ARHGEF38: variants seen among roughly 807,000 people sequenced by gnomAD.
ARHGEF38 encodes the protein Rho guanine nucleotide exchange factor (GEF) 38.
In ARHGEF38, 79 loss-of-function variants were observed where a neutral mutation model predicts 79.9. That is an observed-to-expected ratio of 0.99 (90% confidence interval 0.82 to 1.19). ARHGEF38 has a LOEUF of 1.19. Among genes scored for constraint, ARHGEF38 ranks in the 50% most tolerant of loss-of-function variants. The pLI is 0.00. For missense variants in ARHGEF38, 962 were observed against 907.2 expected (o/e 1.06, Z -0.78); for synonymous variants, 366 against 328.3 (o/e 1.11, Z -1.24).
chr4:105,569,192 G>C (rs1329454545), intron 1 of ARHGEF38, among the ~76,000 whole-genome samples: 2 of 152,156 alleles, frequency 1.3e-5, no homozygotes. Flanking sequence ...CTCAGTGACT[G>C]CTCAGAAACT....
At chr4:105,563,623 G>A (rs1488098513) in intron 1 of ARHGEF38, among the ~76,000 whole-genome samples, 1 of 152,006 alleles carries the variant, frequency 6.6e-6, no homozygotes, top group Non-Finnish European at 1.5e-5. Context: ...TGGCTCCAAA[G>A]TCAGGGCTTT....
intron 13 of ARHGEF38, among the ~76,000 whole-genome samples, chr4:105,668,698 A>ATAGATAGG (rs1553950225): frequency 2.0e-3 from 307 of 152,142 alleles, no homozygotes; most frequent in African/African-American, 7.1e-3. Context: ...AGATAGATAG[A>ATAGATAGG]TAGATAGATG....
intron 3 of ARHGEF38, 92 bp downstream of exon 3, chr4:105,613,599 C>A: frequency 1.4e-6 from 2 of 1,403,524 alleles, no homozygotes; most frequent in Admixed American, 3.7e-5. Flanking sequence ...CCTGACTCAC[C>A]ATGCTTCCCA....
chr4:105,573,510 G>A (rs1053133005), intron 1 of ARHGEF38, among the ~76,000 whole-genome samples: 6 of 151,948 alleles, frequency 3.9e-5, no homozygotes, highest in Admixed American at 6.6e-5. Context: ...AATAGTCTTG[G>A]CACCCTTGTA....
rs1189210709 is a variant in ARHGEF38, at chr4:105,667,607, C to T, written c.2052C>T (p.Ser684=). ...ASDSVTGTSE[S]SIGDSSSSLS... is the part of the protein sequence containing the mutation. ...ACAGTGTCACAGGCACCTCAGAAAG[C>T]AGCATTGGTGATAGCAGCTCATCTC... The change falls in exon 13 of 14, where the codon AGC becomes AGT. Residue 684 remains serine (S), a synonymous_variant. Coordinates refer to ENST00000420470, the MANE Select transcript of ARHGEF38 (RefSeq NM_001242729.2). 2 of 1,536,554 alleles carry T rather than the reference C, an allele frequency of 1.3e-6. No homozygotes were observed. The highest frequency in any genetic ancestry group is 2.7e-5 in the African/African-American group (2 of 73,042).
chr4:105,681,288 TAA>T (rs563622125), downstream of ARHGEF38, among the ~76,000 whole-genome samples: 6 of 144,940 alleles, frequency 4.1e-5, no homozygotes, highest in Non-Finnish European at 6.1e-5. Flanking sequence ...AATCTTTCCT[TAA>T]AAAAAAAAAG....
At chr4:105,560,404 A>T (rs559192049) in intron 1 of ARHGEF38, among the ~76,000 whole-genome samples, 4 of 152,204 alleles carry the variant, frequency 2.6e-5, no homozygotes, top group Non-Finnish European at 5.9e-5. Context: ...ATAAAACTTA[A>T]TATATATCAG....
chr4:105,611,854 T>C (rs530260575), intron 2 of ARHGEF38, among the ~76,000 whole-genome samples: 1 of 152,234 alleles, frequency 6.6e-6, no homozygotes, highest in Non-Finnish European at 1.5e-5. Flanking sequence ...TCTAATCCTA[T>C]ATTGAAATAA....
chr4:105,615,305 T>C (rs553521991), intron 3 of ARHGEF38, among the ~76,000 whole-genome samples: 4 of 152,258 alleles, frequency 2.6e-5, no homozygotes, highest in Admixed American at 2.0e-4. Flanking sequence ...CAAAAGTTTC[T>C]GGAGAGAGAA....
chr4:105,679,535 G>A lies in ARHGEF38; in HGVS notation c.*1598G>A. ...CAAAGCTTGATACACCAGAAATGTG[G>A]GCTAAAGCTGCAGCCAATGCATCTA... On this transcript the variant is annotated 3_prime_UTR_variant, in exon 14 of 14. Transcript: ENST00000420470. 1 of 1,269,192 alleles carries A rather than the reference G, an allele frequency of 7.9e-7. No individual in the cohort carries two copies. Among genetic ancestry groups the A allele is most frequent in the Non-Finnish European group, 1.2e-6 (1 of 868,248 alleles). 78.6% of individuals were successfully genotyped at this position (1,269,192 alleles called of 1,614,324 possible). A position where few individuals can be genotyped will look rare whatever the true frequency, so the allele number is the denominator to read the frequency against.
At chr4:105,652,364 C>T (rs1730139179) in intron 7 of ARHGEF38, among the ~76,000 whole-genome samples, 1 of 152,158 alleles carries the variant, frequency 6.6e-6, no homozygotes, top group Admixed American at 6.5e-5. Flanking sequence ...TAATCTGAAA[C>T]AACCGAAATC....
At chr4:105,660,606 A>T (rs576970047) in intron 10 of ARHGEF38, among the ~76,000 whole-genome samples, 1 of 152,046 alleles carries the variant, frequency 6.6e-6, no homozygotes, top group South Asian at 2.1e-4. Context: ...AGCCCAGCTA[A>T]TTTTTGTGTT....
At position 105,677,222 on chromosome 4, in the gene ARHGEF38, C is replaced by CA. The variant is rs1731154460; in HGVS notation, c.2149-527dup. Among the ~76,000 whole-genome samples, 6 of 152,264 alleles carry CA rather than the reference C, an allele frequency of 3.9e-5. No individual in the cohort carries two copies. In the South Asian group the frequency reaches 1.2e-3, roughly 32 times the overall value. On this transcript the variant is annotated intron_variant, in intron 13 of 13. Coordinates refer to ENST00000420470, the MANE Select transcript of ARHGEF38 (RefSeq NM_001242729.2). Reference sequence around the variant, plus strand: ...TCGTGATCCACCCACCTCGGCCTCCCAAAGTGCTGGGATTACAGGCGTGAG... The same window carrying CA: ...TCGTGATCCACCCACCTCGGCCTCCCAAAAGTGCTGGGATTACAGGCGTGAG...
intron 1 of ARHGEF38, among the ~76,000 whole-genome samples, chr4:105,577,708 G>C (rs2110434317): frequency 6.6e-6 from 1 of 152,142 alleles, no homozygotes; most frequent in East Asian, 1.9e-4. Flanking sequence ...TTTCTAGTTT[G>C]TGTGCCTAGA....
intron 1 of ARHGEF38, among the ~76,000 whole-genome samples, chr4:105,558,199 A>T (rs1020001566): frequency 2.6e-5 from 4 of 152,220 alleles, no homozygotes; most frequent in African/African-American, 9.6e-5. Context: ...CAAATAATAA[A>T]TTAGACTTGG....
At chr4:105,580,115 C>CTT (rs1380100624) in intron 1 of ARHGEF38, among the ~76,000 whole-genome samples, 1 of 152,054 alleles carries the variant, frequency 6.6e-6, no homozygotes, top group Non-Finnish European at 1.5e-5. Flanking sequence ...GATCTTTTTT[C>CTT]TTCTTTATTA....
At chr4:105,650,491 A>C (rs1215420787) in intron 7 of ARHGEF38, among the ~76,000 whole-genome samples, 1 of 152,210 alleles carries the variant, frequency 6.6e-6, no homozygotes, top group East Asian at 1.9e-4. Context: ...TATTTAAAAT[A>C]GCCAGTCCTA....
At chr4:105,653,022 T>A (rs1323333272) in intron 7 of ARHGEF38, among the ~76,000 whole-genome samples, 2 of 152,202 alleles carry the variant, frequency 1.3e-5, no homozygotes, top group East Asian at 3.8e-4. Flanking sequence ...CATGAAGCAT[T>A]TGCACGTTCA....
chr4:105,648,819 C>CCTCTCTCT lies in ARHGEF38; in HGVS notation c.1008+158_1008+165dup, dbSNP rs71586108. Reference sequence around the variant, plus strand: ...TTGCCCTATGCTGTTCTCTTGTCTCCCTCTCTCTCTCTCTCTCTCTCTCTC... The same window carrying CCTCTCTCT: ...TTGCCCTATGCTGTTCTCTTGTCTCCCTCTCTCTCTCTCTCTCTCTCTCTCTCTCTCTC... On this transcript the variant is annotated intron_variant, in intron 7 of 13. Transcript: ENST00000420470. 7.9e-4 allele frequency: 389 copies of CCTCTCTCT among 491,264 alleles called. 3 individuals carry two copies. The African/African-American group carries it at 8.0e-3, about 10-fold the overall frequency. 30.4% of individuals were successfully genotyped at this position (491,264 alleles called of 1,614,324 possible).
Sources: gnomAD v4.1 joint callset for allele counts (sites outside exome capture counted in the v4.1 genomes callset) on GRCh38, gnomAD v4.1.1 for gene constraint, MANE v1.5 for transcripts, NCBI Gene and HGNC (gene_info 2026-07-23, HGNC 2026-07-21) for gene names.